ITPKB: variants seen among roughly 807,000 people sequenced by gnomAD.
ITPKB encodes inositol-trisphosphate 3-kinase B.
Under a neutral mutation model 69.4 loss-of-function variants are expected in ITPKB, and 13 were observed. The ratio of observed to expected loss-of-function variants is 0.19; its 90% CI spans 0.12 to 0.30. The LOEUF (loss-of-function observed/expected upper bound fraction) is 0.30, where lower values mean the gene tolerates loss of function less well. Among genes scored for constraint, ITPKB ranks in the 10% least tolerant of loss-of-function variants. ITPKB has a pLI of 1.00. For synonymous variants in ITPKB, 584 were observed against 513.7 expected, an observed-to-expected ratio of 1.14 and a Z score of -1.85; for missense variants, 1,240 against 1,250.5, an observed-to-expected ratio of 0.99 and a Z score of 0.13.
chr1:226,732,081 GACA>G (rs1159334685), intron 2 of ITPKB, among the ~76,000 whole-genome samples: 2 of 47,846 alleles, frequency 4.2e-5, no homozygotes, highest in Non-Finnish European at 8.7e-5. Context: ...AAAAAAAAAA[GACA>G]ACAAAACTAG....
chr1:226,680,105 C>T (rs558541591), intron 2 of ITPKB, among the ~76,000 whole-genome samples: 7 of 152,240 alleles, frequency 4.6e-5, no homozygotes, highest in Non-Finnish European at 4.4e-5. Context: ...AACTCTCCAG[C>T]GGCCTCAGAT....
intron 2 of ITPKB, among the ~76,000 whole-genome samples, chr1:226,650,916 C>A (rs879440276): frequency 3.3e-5 from 5 of 152,224 alleles, no homozygotes; most frequent in Non-Finnish European, 7.3e-5. Context: ...GGAAAGTGAC[C>A]TTCCCTCATC....
At chr1:226,734,692 T>C (rs1657694238) in intron 2 of ITPKB, among the ~76,000 whole-genome samples, 1 of 152,204 alleles carries the variant, frequency 6.6e-6, no homozygotes, top group African/African-American at 2.4e-5. Context: ...AACCATGTAA[T>C]AGAAATAAAC....
chr1:226,735,971 C>T lies in ITPKB; in HGVS notation c.1488G>A (p.Gly496=). 6.2e-7 allele frequency: 1 copy of T among 1,614,034 alleles called. No homozygotes were observed. The highest frequency in any genetic ancestry group is 1.1e-5 in the South Asian group (1 of 91,086). ...KDLKEPQCPP[G]DRVGVQPGNS... is the part of the protein sequence containing the mutation. ...TCCCAGGCTGCACACCCACCCTGTC[C>T]CCAGGAGGGCACTGAGGTTCTTTCA... is the stretch of plus-strand genomic sequence containing the variant. Residue 496 remains glycine, a synonymous_variant, in exon 2 of 8, where the codon GGG becomes GGA. Transcript: ENST00000429204.
At chr1:226,680,157 G>A (rs573026896) in intron 2 of ITPKB, among the ~76,000 whole-genome samples, 5 of 152,336 alleles carry the variant, frequency 3.3e-5, no homozygotes, top group African/African-American at 1.2e-4. Context: ...AACCCTGAAA[G>A]CCCAGAACTG....
chr1:226,671,417 C>T (rs980659262), intron 2 of ITPKB, among the ~76,000 whole-genome samples: 19 of 152,228 alleles, frequency 1.2e-4, no homozygotes, highest in African/African-American at 4.6e-4. Context: ...CCAATAAATG[C>T]TGTTGCTAAT....
intron 2 of ITPKB, among the ~76,000 whole-genome samples, chr1:226,661,321 G>A (rs1403107032): frequency 6.6e-6 from 1 of 152,232 alleles, no homozygotes; most frequent in Non-Finnish European, 1.5e-5. Context: ...ACACAGGGCT[G>A]AGTATTTGCT....
chr1:226,718,787 T>G (rs973753443), intron 2 of ITPKB, among the ~76,000 whole-genome samples: 1 of 152,204 alleles, frequency 6.6e-6, no homozygotes, highest in African/African-American at 2.4e-5. Context: ...GTGAAGCCAC[T>G]CTGGAGAGCA....
intron 2 of ITPKB, among the ~76,000 whole-genome samples, chr1:226,734,588 C>T (rs899322654): frequency 2.0e-5 from 3 of 152,176 alleles, no homozygotes; most frequent in African/African-American, 7.2e-5. Context: ...TAAGAGAAAG[C>T]CCAGACCTTT....
intron 2 of ITPKB, among the ~76,000 whole-genome samples, chr1:226,724,418 T>C (rs1657344056): frequency 6.6e-6 from 1 of 151,914 alleles, no homozygotes; most frequent in Non-Finnish European, 1.5e-5. Flanking sequence ...AAGAGAATGG[T>C]GGAGGTCGCA....
At chr1:226,708,115 A>T (rs1385789803) in intron 2 of ITPKB, among the ~76,000 whole-genome samples, 1 of 152,218 alleles carries the variant, frequency 6.6e-6, no homozygotes, top group Non-Finnish European at 1.5e-5. Flanking sequence ...ATAAAAGATA[A>T]AACTAGTACA....
chr1:226,648,898 G>A lies in ITPKB; in HGVS notation c.1933-127C>T, dbSNP rs919058480. ...ATGGGAAGGGCCCTTGACGGGCTCT[G>A]AGGACCTTGCCACCACCATCACCTA... On this transcript the variant is annotated intron_variant, in intron 2 of 7. Transcript: ENST00000429204. 20 of 699,322 alleles carry A rather than the reference G, an allele frequency of 2.9e-5. No homozygotes were observed. The African/African-American group carries it at 3.3e-4, about 12-fold the overall frequency. 43.3% of individuals were successfully genotyped at this position (699,322 alleles called of 1,614,324 possible).
intron 2 of ITPKB, among the ~76,000 whole-genome samples, chr1:226,696,508 A>G (rs1571862713): frequency 6.6e-6 from 1 of 152,192 alleles, no homozygotes; most frequent in African/African-American, 2.4e-5. Flanking sequence ...GAAATGGCAC[A>G]TGCCCGGCCC....
At position 226,712,637 on chromosome 1, in the gene ITPKB, C is replaced by G. The variant is rs564967415; in HGVS notation, c.1932+22890G>C. Among the ~76,000 whole-genome samples, 371 of 152,336 alleles carry G rather than the reference C, an allele frequency of 2.4e-3. 3 individuals carry two copies. The highest frequency in any genetic ancestry group is 8.8e-3 in the African/African-American group (364 of 41,582). Reference sequence around the variant, plus strand: ...TGGCATTGCCCTAGCCCTGCACTCCCTGGACGGCCTGTGACCTTGTTCAGG... The same window carrying G: ...TGGCATTGCCCTAGCCCTGCACTCCGTGGACGGCCTGTGACCTTGTTCAGG... On this transcript the variant is annotated intron_variant, in intron 2 of 7. Coordinates refer to ENST00000429204, the MANE Select transcript of ITPKB (RefSeq NM_002221.4).
At chr1:226,645,584 A>G (rs538449821) in intron 4 of ITPKB, among the ~76,000 whole-genome samples, 1 of 152,274 alleles carries the variant, frequency 6.6e-6, no homozygotes, top group Non-Finnish European at 1.5e-5. Flanking sequence ...CTGAGTGGAC[A>G]CCACTTGGAT....
At chr1:226,720,703 A>T (rs1657214420) in intron 2 of ITPKB, among the ~76,000 whole-genome samples, 1 of 152,208 alleles carries the variant, frequency 6.6e-6, no homozygotes, top group African/African-American at 2.4e-5. Context: ...CCACCTGTTA[A>T]TTCATATTGA....
intron 2 of ITPKB, among the ~76,000 whole-genome samples, chr1:226,675,401 T>C (rs1239407812): frequency 6.6e-6 from 1 of 152,160 alleles, no homozygotes; most frequent in African/African-American, 2.4e-5. Flanking sequence ...GAAGCACAGA[T>C]CAGGACACAG....
chr1:226,639,611 C>T lies in ITPKB; in HGVS notation c.2499G>A (p.Arg833=). The T allele has an allele frequency of 6.2e-7, 1 of 1,614,064 alleles. No homozygotes were observed. Among genetic ancestry groups the T allele is most frequent in the Non-Finnish European group, 8.5e-7 (1 of 1,179,936 alleles). Reference sequence around the variant, plus strand: ...CTCTGAAGGCCTCGGTGACCTGCTCCCTCGTTTTGGTCTTCTTGAAGTCCC... The same window carrying T: ...CTCTGAAGGCCTCGGTGACCTGCTCTCTCGTTTTGGTCTTCTTGAAGTCCC... ...VNRDFKKTKT[R]EQVTEAFREF... is the part of the protein sequence containing the mutation. Residue 833 remains arginine, a synonymous_variant, in exon 6 of 8, where the codon AGG becomes AGA. Coordinates refer to ENST00000429204, the MANE Select transcript of ITPKB (RefSeq NM_002221.4).
chr1:226,697,969 T>C lies in ITPKB; in HGVS notation c.1932+37558A>G, dbSNP rs547429135. On this transcript the variant is annotated intron_variant, in intron 2 of 7. Coordinates refer to ENST00000429204, the MANE Select transcript of ITPKB (RefSeq NM_002221.4). ...CACTCAACTCAGAGGCAGAGTCCTATGCACTGCACTCTCCAGACAGATGGA... is the reference window on the plus strand; with the variant it reads ...CACTCAACTCAGAGGCAGAGTCCTACGCACTGCACTCTCCAGACAGATGGA... 8.5e-5 allele frequency among the ~76,000 whole-genome samples: 13 copies of C among 152,304 alleles called. No homozygotes were observed. In the South Asian group the frequency reaches 2.5e-3, roughly 29 times the overall value.
Sources: gnomAD v4.1 joint callset for allele counts (sites outside exome capture counted in the v4.1 genomes callset) on GRCh38, gnomAD v4.1.1 for gene constraint, MANE v1.5 for transcripts, NCBI Gene and HGNC (gene_info 2026-07-23, HGNC 2026-07-21) for gene names.